Variants in PID1 observed in about 807,000 individuals in gnomAD.
PID1 encodes the protein phosphotyrosine interaction domain containing 1.
PID1 carries 10 observed loss-of-function variants against 19.1 expected under a neutral mutation model. That is an observed-to-expected ratio of 0.52 (90% CI 0.32 to 0.89). PID1 has a LOEUF of 0.89. Ranked by LOEUF, PID1 falls within the 40% of genes least tolerant of loss-of-function variation. PID1 has a pLI of 0.03. For missense variants in PID1, 248 were observed against 285.3 expected, an observed-to-expected ratio of 0.87 and a Z score of 0.94; for synonymous variants, 130 against 116.0, an observed-to-expected ratio of 1.12 and a Z score of -0.78.
intron 1 of PID1, among the ~76,000 whole-genome samples, chr2:229,242,603 AC>A (rs1249233002): frequency 6.6e-6 from 1 of 151,712 alleles, no homozygotes; most frequent in Non-Finnish European, 1.5e-5. Flanking sequence ...CACCTCCTCA[AC>A]CCCAAAGTCA....
At chr2:229,054,684 AG>A (rs1166803730) in intron 2 of PID1, among the ~76,000 whole-genome samples, 1 of 120,198 alleles carries the variant, frequency 8.3e-6, no homozygotes, top group East Asian at 2.8e-4. Flanking sequence ...CATAAGCTCT[AG>A]GTAAATGACA....
At chr2:229,046,347 A>AGTGTGTGTGTGT (rs35091766) in intron 2 of PID1, among the ~76,000 whole-genome samples, 32 of 141,372 alleles carry the variant, frequency 2.3e-4, no homozygotes, top group African/African-American at 6.2e-4. Flanking sequence ...AAATTAGGAA[A>AGTGTGTGTGTGT]GTGTGTGTGT....
chr2:229,049,625 A>T (rs540832951), intron 2 of PID1, among the ~76,000 whole-genome samples: 1 of 134,470 alleles, frequency 7.4e-6, no homozygotes, highest in Non-Finnish European at 1.6e-5. Flanking sequence ...CAAGAGCTTA[A>T]TATAGTATAA....
intron 2 of PID1, among the ~76,000 whole-genome samples, chr2:229,145,073 C>T (rs1276259884): frequency 6.7e-6 from 1 of 150,196 alleles, no homozygotes; most frequent in Non-Finnish European, 1.5e-5. Flanking sequence ...TCCCTCAGTA[C>T]AGATTCCCCT....
In PID1 at chr2:229,225,719, G is replaced by A. The variant is rs151141495; in HGVS notation, c.30+45295C>T. Among the ~76,000 whole-genome samples, 31 of 152,290 alleles carry A rather than the reference G, an allele frequency of 2.0e-4. No individual in the cohort carries two copies. The East Asian group carries it at 5.8e-3, about 29-fold the overall frequency. ...TTTAGCATGTCTGGGGAGGCCTCAGGAAACTTACAATCATGGTGGCAGGGG... is the reference window on the plus strand; with the variant it reads ...TTTAGCATGTCTGGGGAGGCCTCAGAAAACTTACAATCATGGTGGCAGGGG... On this transcript the variant is annotated intron_variant, in intron 1 of 2. Coordinates refer to ENST00000392055, the MANE Select transcript of PID1 (RefSeq NM_001100818.2).
intron 2 of PID1, among the ~76,000 whole-genome samples, chr2:229,140,684 A>T (rs1689992830): frequency 1.3e-5 from 2 of 152,208 alleles, no homozygotes; most frequent in African/African-American, 2.4e-5. Flanking sequence ...AGCCTGGCCT[A>T]CACTAAGAGA....
At chr2:229,201,176 T>C (rs370859151) in intron 1 of PID1, among the ~76,000 whole-genome samples, 1 of 152,104 alleles carries the variant, frequency 6.6e-6, no homozygotes, top group Admixed American at 6.6e-5. Flanking sequence ...AGTTCAGTGG[T>C]ATTAAGTACA....
intron 2 of PID1, among the ~76,000 whole-genome samples, chr2:229,114,623 C>T (rs1695373137): frequency 6.6e-6 from 1 of 152,170 alleles, no homozygotes; most frequent in Non-Finnish European, 1.5e-5. Context: ...TCCTACAAGC[C>T]TTCACTATTC....
At chr2:229,185,318 G>C (rs1574703360) in intron 1 of PID1, among the ~76,000 whole-genome samples, 1 of 151,992 alleles carries the variant, frequency 6.6e-6, no homozygotes, top group East Asian at 1.9e-4. Flanking sequence ...TGTTTCTCTA[G>C]ATGCCCTCGC....
At chr2:229,045,074 C>T (rs1217920043) in intron 2 of PID1, among the ~76,000 whole-genome samples, 1 of 152,132 alleles carries the variant, frequency 6.6e-6, no homozygotes, top group Non-Finnish European at 1.5e-5. Context: ...CTGCCTCAAC[C>T]TCCCAAGTAG....
intron 1 of PID1, among the ~76,000 whole-genome samples, chr2:229,258,289 T>A (rs1690359087): frequency 6.6e-6 from 1 of 152,188 alleles, no homozygotes; most frequent in Non-Finnish European, 1.5e-5. Context: ...GTTCTCTTGC[T>A]CAACCACTAG....
At chr2:229,180,422 A>AG (rs1275645473) in intron 1 of PID1, among the ~76,000 whole-genome samples, 1 of 152,190 alleles carries the variant, frequency 6.6e-6, no homozygotes, top group African/African-American at 2.4e-5. Context: ...AGCTTTAGGA[A>AG]GGAAAAAAAA....
chr2:229,204,351 AAC>A (rs1450660836), intron 1 of PID1, among the ~76,000 whole-genome samples: 11 of 152,164 alleles, frequency 7.2e-5, no homozygotes, highest in African/African-American at 2.7e-4. Flanking sequence ...ATGGTGAAAA[AAC>A]ACATCTTAAT....
intron 2 of PID1, among the ~76,000 whole-genome samples, chr2:229,140,839 C>G (rs1689996341): frequency 6.6e-6 from 1 of 152,000 alleles, no homozygotes; most frequent in Non-Finnish European, 1.5e-5. Context: ...GTAACTATTA[C>G]AGCGATTTAG....
intron 1 of PID1, among the ~76,000 whole-genome samples, chr2:229,178,243 G>C (rs1023299697): frequency 6.6e-6 from 1 of 152,132 alleles, no homozygotes; most frequent in African/African-American, 2.4e-5. Context: ...CCCCATCAGA[G>C]CTCTCTATCC....
intron 2 of PID1, among the ~76,000 whole-genome samples, chr2:229,118,761 C>G (rs1270463144): frequency 6.6e-6 from 1 of 151,806 alleles, no homozygotes; most frequent in Non-Finnish European, 1.5e-5. Flanking sequence ...ATTCAGAGAG[C>G]AAAATATATC....
chr2:229,203,966 T>C (rs1273943242), intron 1 of PID1, among the ~76,000 whole-genome samples: 1 of 152,108 alleles, frequency 6.6e-6, no homozygotes, highest in Non-Finnish European at 1.5e-5. Context: ...ATTAGACCTA[T>C]TTAGACCTAT....
intron 1 of PID1, among the ~76,000 whole-genome samples, chr2:229,231,322 G>A (rs1325502822): frequency 6.6e-6 from 1 of 152,064 alleles, no homozygotes; most frequent in South Asian, 2.1e-4. Flanking sequence ...TTAGTCTATG[G>A]GGGATTCATC....
chr2:229,143,770 A>G (rs1469593671), intron 2 of PID1, among the ~76,000 whole-genome samples: 4 of 152,050 alleles, frequency 2.6e-5, no homozygotes, highest in Non-Finnish European at 5.9e-5. Flanking sequence ...CTGATGGTTT[A>G]TAAGTGTGGC....
Sources: allele counts gnomAD v4.1 joint callset (sites outside exome capture counted in the v4.1 genomes callset), GRCh38; gene constraint gnomAD v4.1.1; transcripts MANE v1.5; gene names NCBI Gene and HGNC (gene_info 2026-07-23, HGNC 2026-07-21).